The following RELN variants were observed in gnomAD, a reference collection of about 807,000 sequenced individuals.
RELN encodes the protein reelin.
A neutral mutation model predicts 427.6 loss-of-function variants in RELN; 108 were observed. That is an observed-to-expected ratio of 0.25 (90% CI 0.22 to 0.30). RELN has a LOEUF of 0.30. Ranked by LOEUF, RELN falls within the 10% of genes least tolerant of loss-of-function variation. RELN has a pLI of 1.00. For missense variants in RELN, 3,715 were observed against 4,302.8 expected, an observed-to-expected ratio of 0.86 and a Z score of 3.82; for synonymous variants, 1,524 against 1,513.4, an observed-to-expected ratio of 1.01 and a Z score of -0.16.
intron 10 of RELN, among the ~76,000 whole-genome samples, chr7:103,694,232 AAC>A (rs1475385670): frequency 2.6e-5 from 4 of 152,154 alleles, no homozygotes; most frequent in Non-Finnish European, 5.9e-5. Flanking sequence ...GTTGGGAAGA[AAC>A]ACAAGACAAT....
chr7:103,649,465 A>G (rs1832866975), intron 16 of RELN, among the ~76,000 whole-genome samples: 1 of 151,942 alleles, frequency 6.6e-6, no homozygotes, highest in Non-Finnish European at 1.5e-5. Context: ...GGGATGATAA[A>G]TTACGTTGTA....
At chr7:103,712,487 A>G (rs945801225) in intron 8 of RELN, among the ~76,000 whole-genome samples, 4 of 152,240 alleles carry the variant, frequency 2.6e-5, no homozygotes, top group African/African-American at 4.8e-5. Context: ...GATGAATTCT[A>G]TAATTCAAAT....
intron 2 of RELN, among the ~76,000 whole-genome samples, chr7:103,849,850 C>T (rs573660552): frequency 9.9e-5 from 15 of 152,280 alleles, no homozygotes; most frequent in East Asian, 5.8e-4. Context: ...TGGCCATTTA[C>T]GGAAAAAGTT....
At chr7:103,734,399 A>G (rs1219602111) in intron 6 of RELN, among the ~76,000 whole-genome samples, 1 of 152,190 alleles carries the variant, frequency 6.6e-6, no homozygotes, top group Non-Finnish European at 1.5e-5. Context: ...TATATTTCCC[A>G]ATATGAAAAA....
Position 103,769,355 on chromosome 7 carries a change from C to T in RELN, c.544+7202G>A, listed in dbSNP as rs149802666. Among the ~76,000 whole-genome samples the T allele has an allele frequency of 5.8e-4, 89 of 152,294 alleles. 1 individual carries two copies. Among genetic ancestry groups the T allele is most frequent in the African/African-American group, 2.1e-3 (86 of 41,550 alleles). ...AGCTGGCTTGCCCCTTTGCCTTCCA[C>T]CACGTGAGGATACAGCATTCCTCCT... On this transcript the variant is annotated intron_variant, in intron 4 of 64. Coordinates refer to ENST00000428762, the MANE Select transcript of RELN (RefSeq NM_005045.4).
chr7:103,659,431 G>T (rs568128560), intron 12 of RELN, among the ~76,000 whole-genome samples: 34 of 152,248 alleles, frequency 2.2e-4, no homozygotes, highest in African/African-American at 7.9e-4. Context: ...TGCTTTTCTA[G>T]TTCCATCTTA....
At chr7:103,474,806 G>GAA (rs57064398) in intron 64 of RELN, among the ~76,000 whole-genome samples, 182 of 135,646 alleles carry the variant, frequency 1.3e-3, no homozygotes, top group East Asian at 5.8e-3. Context: ...TTCCTTTTAT[G>GAA]AAAAAAAAAA....
At chr7:103,821,037 T>C (rs1212755817) in intron 3 of RELN, among the ~76,000 whole-genome samples, 2 of 152,184 alleles carry the variant, frequency 1.3e-5, no homozygotes, top group African/African-American at 4.8e-5. Flanking sequence ...TTTTTAAATA[T>C]AATGTTTTCT....
At chr7:103,807,101 A>G (rs1005499196) in intron 3 of RELN, among the ~76,000 whole-genome samples, 1 of 152,208 alleles carries the variant, frequency 6.6e-6, no homozygotes, top group African/African-American at 2.4e-5. Context: ...TGAGCTTTAA[A>G]TGGCAACTGA....
intron 28 of RELN, among the ~76,000 whole-genome samples, chr7:103,580,259 A>G (rs1831100023): frequency 1.3e-5 from 2 of 152,242 alleles, no homozygotes; most frequent in South Asian, 4.1e-4. Context: ...CATATTGCAG[A>G]AGGAGCAACA....
chr7:103,661,377 C>T lies in RELN; in HGVS notation c.1440G>A (p.Met480Ile). The T allele has an allele frequency of 6.2e-7, 1 of 1,613,792 alleles. No homozygotes were observed. Among genetic ancestry groups the T allele is most frequent in the Non-Finnish European group, 8.5e-7 (1 of 1,179,778 alleles). The change falls in exon 12 of 65, where the codon ATG (methionine) becomes ATA (isoleucine). Residue 480 changes from methionine to isoleucine, a missense_variant and splice_region_variant. Met to Ile is a conservative substitution (Grantham distance 10). Around this residue, in one of 4 missense-constraint regions of RELN, gnomAD observed 2,208 missense variants for 2,361.7 expected, o/e 0.93. Coordinates refer to ENST00000428762, the MANE Select transcript of RELN (RefSeq NM_005045.4). ...CAAAGTTTGTGAAAATGTACTTACC[C>T]ATCACAAAGTAAAACCTCAGGTTCC... Reference protein sequence around the residue: ...GYGNLRFYFVMGGICDPGNSH... With the variant: ...GYGNLRFYFVIGGICDPGNSH...
At chr7:103,765,797 A>G (rs1791413085) in intron 4 of RELN, among the ~76,000 whole-genome samples, 1 of 152,226 alleles carries the variant, frequency 6.6e-6, no homozygotes, top group East Asian at 1.9e-4. Context: ...CTTCTTGGGC[A>G]TAAATCTAGG....
intron 2 of RELN, 30 bp downstream of exon 2, chr7:103,917,045 C>G: frequency 6.6e-7 from 1 of 1,518,864 alleles, no homozygotes; most frequent in South Asian, 1.1e-5. Flanking sequence ...TAAAATACCC[C>G]CAAATTTCTG....
chr7:103,712,646 C>T (rs3819457), intron 8 of RELN, among the ~76,000 whole-genome samples: 67,932 of 152,028 alleles, frequency 0.45, 15,656 homozygotes, highest in East Asian at 0.6. Flanking sequence ...TAAATAGCTT[C>T]AAATCCTTTC....
At chr7:103,736,141 T>G (rs1025722443) in intron 6 of RELN, among the ~76,000 whole-genome samples, 3 of 152,320 alleles carry the variant, frequency 2.0e-5, no homozygotes, top group Middle Eastern at 3.4e-3. Context: ...GCCGGCCATT[T>G]GGTAGCTGGG....
In RELN at chr7:103,522,009, G is replaced by A. The variant is rs751859147; in HGVS notation, c.7668+13C>T. 26 of 1,613,736 alleles carry A rather than the reference G, an allele frequency of 1.6e-5. No individual in the cohort carries two copies. Among genetic ancestry groups the A allele is most frequent in the Non-Finnish European group, 2.2e-5 (26 of 1,179,682 alleles). On this transcript the variant is annotated intron_variant, in intron 48 of 64. Transcript: ENST00000428762. The stretch of plus-strand genomic sequence containing the variant: ...GAAGAGCAGAAATGAGTAACCAGCA[G>A]CCAAACACTCACCCCACTGAAATGG...
chr7:103,787,170 A>G (rs1422459507), intron 3 of RELN, among the ~76,000 whole-genome samples: 2 of 152,188 alleles, frequency 1.3e-5, no homozygotes, highest in African/African-American at 2.4e-5. Flanking sequence ...GACACAACAT[A>G]CTAGAATCTC....
intron 48 of RELN, among the ~76,000 whole-genome samples, chr7:103,520,954 G>GTT (rs1462369530): frequency 0.021 from 1,659 of 78,010 alleles, 158 homozygotes; most frequent in East Asian, 0.034. Context: ...CAGTAAATTT[G>GTT]TTATTTTTTT....
chr7:103,629,260 T>C (rs1288972141), intron 20 of RELN, among the ~76,000 whole-genome samples: 1 of 152,168 alleles, frequency 6.6e-6, no homozygotes, highest in Admixed American at 6.5e-5. Flanking sequence ...GTACATGAAG[T>C]ACTAATCACC....
Sources: gnomAD v4.1 joint callset for allele counts (sites outside exome capture counted in the v4.1 genomes callset) on GRCh38, gnomAD v4.1.1 for gene constraint, gnomAD v4.1.1 regional missense constraint, MANE v1.5 for transcripts, NCBI Gene and HGNC (gene_info 2026-07-23, HGNC 2026-07-21) for gene names.